Variants in IL1RAPL2 observed in about 807,000 individuals in gnomAD.
IL1RAPL2 encodes X-linked interleukin-1 receptor accessory protein-like 2.
Under a neutral mutation model 44.1 loss-of-function variants are expected in IL1RAPL2, and 3 were observed. That is an observed-to-expected ratio of 0.07 (90% CI 0.03 to 0.18). The LOEUF (loss-of-function observed/expected upper bound fraction) is 0.18. Among genes scored for constraint, IL1RAPL2 ranks in the 10% least tolerant of loss-of-function variants. IL1RAPL2 has a pLI of 1.00. For missense variants in IL1RAPL2, 391 were observed against 496.4 expected, an observed-to-expected ratio of 0.79 and a Z score of 2.02; for synonymous variants, 181 against 178.8, an observed-to-expected ratio of 1.01 and a Z score of -0.10.
At chrX:105,489,265 G>A (rs905774342) in intron 6 of IL1RAPL2, among the ~76,000 whole-genome samples, 6 of 109,931 alleles carry the variant, frequency 5.5e-5, no homozygotes, top group East Asian at 5.7e-4. Context: ...CTTTAAATTC[G>A]AGAAATAAAC....
At chrX:104,907,647 T>C (rs1479665282) in intron 2 of IL1RAPL2, among the ~76,000 whole-genome samples, 3 of 108,322 alleles carry the variant, frequency 2.8e-5, no homozygotes, top group Non-Finnish European at 5.8e-5. Context: ...TTCTAGTTTG[T>C]TTGCACTGTG....
At chrX:105,701,773 T>C (rs2038121345) in intron 6 of IL1RAPL2, among the ~76,000 whole-genome samples, 1 of 112,281 alleles carries the variant, frequency 8.9e-6, no homozygotes, top group African/African-American at 3.2e-5. Flanking sequence ...TGCACTGATA[T>C]CATGTGCATT....
intron 6 of IL1RAPL2, among the ~76,000 whole-genome samples, chrX:105,696,036 C>A (rs760561771): frequency 6.1e-4 from 68 of 112,064 alleles, no homozygotes; most frequent in Non-Finnish European, 1.0e-3. Flanking sequence ...TAATTCCCCA[C>A]CTCATGTATC....
chrX:105,549,465 T>A (rs1331948650), intron 6 of IL1RAPL2, among the ~76,000 whole-genome samples: 2 of 111,307 alleles, frequency 1.8e-5, no homozygotes, highest in Non-Finnish European at 3.8e-5. Flanking sequence ...GTATATGGAA[T>A]GTTGTGAGCA....
intron 5 of IL1RAPL2, among the ~76,000 whole-genome samples, chrX:105,323,478 C>T (rs1405243063): frequency 9.0e-6 from 1 of 111,541 alleles, no homozygotes; most frequent in Admixed American, 9.5e-5. Context: ...ATATTCCATA[C>T]AGGAATATAA....
chrX:105,384,336 G>A lies in IL1RAPL2; in HGVS notation c.698-99977G>A, dbSNP rs1384929007. On this transcript the variant is annotated intron_variant, in intron 5 of 10. Coordinates refer to ENST00000372582, the MANE Select transcript of IL1RAPL2 (RefSeq NM_017416.2). Reference sequence around the variant, plus strand: ...TTATTATTTTGCATATGGATATCCAGTTTTGCCAGCACCATTTTTTGAGTA... The same window carrying A: ...TTATTATTTTGCATATGGATATCCAATTTTGCCAGCACCATTTTTTGAGTA... Among the ~76,000 whole-genome samples the A allele has an allele frequency of 5.4e-5, 6 of 111,639 alleles. No homozygotes were observed. In the Admixed American group the frequency reaches 5.7e-4, roughly 11 times the overall value.
chrX:105,708,298 G>A (rs1384358687), intron 6 of IL1RAPL2, among the ~76,000 whole-genome samples: 1 of 111,284 alleles, frequency 9.0e-6, no homozygotes, highest in Admixed American at 9.6e-5. Context: ...TTTATTTTTT[G>A]AGGATATTTT....
At chrX:104,739,236 C>T (rs1181519824) in intron 2 of IL1RAPL2, among the ~76,000 whole-genome samples, 1 of 111,805 alleles carries the variant, frequency 8.9e-6, no homozygotes, top group African/African-American at 3.3e-5. Flanking sequence ...CATTGAAAAG[C>T]CCCAAGAAAT....
intron 4 of IL1RAPL2, among the ~76,000 whole-genome samples, chrX:105,257,100 T>G (rs1268952274): frequency 8.9e-6 from 1 of 111,876 alleles, no homozygotes; most frequent in East Asian, 2.8e-4. Context: ...CCCTTAACAC[T>G]GCTCTAGCTG....
intron 2 of IL1RAPL2, among the ~76,000 whole-genome samples, chrX:104,863,343 G>A (rs1337445863): frequency 2.7e-5 from 3 of 111,463 alleles, no homozygotes; most frequent in African/African-American, 9.8e-5. Flanking sequence ...TTCTCTTGTG[G>A]CAGGTTGGAG....
At chrX:104,875,017 T>G (rs1467144009) in intron 2 of IL1RAPL2, among the ~76,000 whole-genome samples, 2 of 111,606 alleles carry the variant, frequency 1.8e-5, no homozygotes, top group Non-Finnish European at 1.9e-5. Context: ...CACTCAGTGT[T>G]ACATCTGAAA....
intron 2 of IL1RAPL2, among the ~76,000 whole-genome samples, chrX:104,900,831 G>A (rs1361448836): frequency 8.9e-6 from 1 of 112,004 alleles, no homozygotes; most frequent in East Asian, 2.8e-4. Flanking sequence ...TCTGCCTCTG[G>A]TGGGAGGAGC....
At chrX:105,582,186 A>G (rs1239138916) in intron 6 of IL1RAPL2, among the ~76,000 whole-genome samples, 1 of 111,758 alleles carries the variant, frequency 8.9e-6, no homozygotes, top group African/African-American at 3.2e-5. Context: ...TAAAATCAAT[A>G]TTGTCTTGAT....
intron 2 of IL1RAPL2, among the ~76,000 whole-genome samples, chrX:104,938,394 A>C (rs1358716618): frequency 1.8e-5 from 2 of 111,668 alleles, no homozygotes; most frequent in South Asian, 7.5e-4. Context: ...TGAAATTTGG[A>C]ATATTCTAAT....
intron 2 of IL1RAPL2, among the ~76,000 whole-genome samples, chrX:104,674,178 GT>G (rs1172401636): frequency 2.3e-4 from 26 of 112,098 alleles, no homozygotes; most frequent in African/African-American, 8.4e-4. Flanking sequence ...TCTTGTGCCA[GT>G]TTTCAAAGGG....
intron 5 of IL1RAPL2, among the ~76,000 whole-genome samples, chrX:105,476,509 T>G (rs2147772814): frequency 8.9e-6 from 1 of 112,066 alleles, no homozygotes; most frequent in African/African-American, 3.2e-5. Context: ...TTCTGTTTTT[T>G]GTGGTGAGCC....
chrX:104,907,174 C>G (rs1385435395), intron 2 of IL1RAPL2, among the ~76,000 whole-genome samples: 3 of 111,411 alleles, frequency 2.7e-5, no homozygotes, highest in Non-Finnish European at 3.8e-5. Context: ...TTTATTGCAT[C>G]TATTTGATTC....
chrX:105,071,668 A>G (rs1383005964), intron 2 of IL1RAPL2, among the ~76,000 whole-genome samples: 3 of 112,016 alleles, frequency 2.7e-5, no homozygotes, highest in African/African-American at 9.7e-5. Context: ...GCATAAGAAC[A>G]CTTATACAGA....
chrX:104,568,804 C>A (rs1928091058), intron 1 of IL1RAPL2, among the ~76,000 whole-genome samples: 1 of 111,624 alleles, frequency 9.0e-6, no homozygotes, highest in East Asian at 2.8e-4. Flanking sequence ...ATCTTCGCCA[C>A]TTGCATCCCT....
Sources: allele counts gnomAD v4.1 joint callset (sites outside exome capture counted in the v4.1 genomes callset), GRCh38; gene constraint gnomAD v4.1.1; transcripts MANE v1.5; gene names NCBI Gene and HGNC (gene_info 2026-07-23, HGNC 2026-07-21).